The following PDC variants were observed in gnomAD, a reference collection of about 807,000 sequenced individuals.
PDC encodes 33 kDa phototransducing protein.
In PDC, 19 loss-of-function variants were observed where a neutral mutation model predicts 22.2. The observed-to-expected ratio is 0.86, with a 90% CI of 0.60 to 1.26. The LOEUF (loss-of-function observed/expected upper bound fraction) is 1.26. PDC is among the 50% of genes most tolerant of loss of function. The pLI is 0.00. For synonymous variants in PDC, 97 were observed against 96.2 expected, an observed-to-expected ratio of 1.01 and a Z score of -0.05; for missense variants, 274 against 286.8, an observed-to-expected ratio of 0.96 and a Z score of 0.32.
chr1:186,448,959 A>C (rs546774764), intron 2 of PDC, among the ~76,000 whole-genome samples: 1 of 152,252 alleles, frequency 6.6e-6, no homozygotes, highest in Admixed American at 6.5e-5. Flanking sequence ...AGGAATACTG[A>C]AATTTATTTA....
In PDC at chr1:186,443,901, A is replaced by C; in HGVS notation, c.*78T>G. The C allele has an allele frequency of 9.5e-7, 1 of 1,057,548 alleles. No homozygotes were observed. The highest frequency in any genetic ancestry group is 1.4e-6 in the Non-Finnish European group (1 of 710,484). The allele number at this position is 1,057,548 out of a possible 1,614,324, so 65.5% of individuals were successfully genotyped here. On this transcript the variant is annotated 3_prime_UTR_variant, in exon 4 of 4. Coordinates refer to ENST00000391997, the MANE Select transcript of PDC (RefSeq NM_002597.5). The stretch of plus-strand genomic sequence containing the variant: ...ATAGCCGTGCCCATACTCTGTGTTC[A>C]CTAAAGCAATATAGATACTACCAAA...
intron 2 of PDC, 65 bp downstream of exon 2, chr1:186,449,334 G>T: frequency 1.1e-6 from 1 of 912,536 alleles, no homozygotes; most frequent in South Asian, 1.5e-5. Context: ...GTGTCAATAA[G>T]AACATTAGAT....
At chr1:186,454,324 A>G (rs1256995538) in intron 1 of PDC, among the ~76,000 whole-genome samples, 1 of 151,686 alleles carries the variant, frequency 6.6e-6, no homozygotes, top group African/African-American at 2.4e-5. Context: ...GATTACAGGC[A>G]CACGCCACTA....
intron 2 of PDC, 27 bp downstream of exon 2, chr1:186,449,372 A>C (rs1662301007): frequency 6.9e-7 from 1 of 1,456,784 alleles, no homozygotes; most frequent in Non-Finnish European, 9.6e-7. Flanking sequence ...TAATTTAATA[A>C]TTATTTTTTC....
Position 186,444,495 on chromosome 1 carries a change from T to G in PDC, c.225A>C (p.Gln75His). 1 of 1,586,866 alleles carries G rather than the reference T, an allele frequency of 6.3e-7. No individual in the cohort carries two copies. The highest frequency in any genetic ancestry group is 8.6e-7 in the Non-Finnish European group (1 of 1,157,994). Residue 75 changes from glutamine to histidine, a missense_variant, in exon 4 of 4, where the codon CAA becomes CAC. Physicochemically the swap from Gln to His is conservative, Grantham distance 24. Coordinates refer to ENST00000391997, the MANE Select transcript of PDC (RefSeq NM_002597.5). ...TCTCTTTATGGATTAGTTCATATTCTTGAATGCTCATCTGAGAATAAAGAA... is the reference window on the plus strand; with the variant it reads ...TCTCTTTATGGATTAGTTCATATTCGTGAATGCTCATCTGAGAATAAAGAA... ...KERVSRKMSI[Q>H]EYELIHKEKE...
At chr1:186,449,310 G>T (rs1662299242) in intron 2 of PDC, 89 bp downstream of exon 2, 1 of 633,026 alleles carries the variant, frequency 1.6e-6, no homozygotes, top group Admixed American at 2.6e-5. Context: ...ATTACTTAAA[G>T]TACATACTGA....
chr1:186,453,891 T>A (rs1158013393), intron 1 of PDC, among the ~76,000 whole-genome samples: 23 of 152,182 alleles, frequency 1.5e-4, no homozygotes, highest in Admixed American at 1.5e-3. Context: ...AGGTTTCAAA[T>A]CTCTGACTCT....
intron 2 of PDC, among the ~76,000 whole-genome samples, chr1:186,447,714 T>C (rs1363924037): frequency 1.3e-5 from 2 of 152,088 alleles, no homozygotes; most frequent in East Asian, 3.9e-4. Context: ...ATATATGATA[T>C]ATATTTAATA....
rs1382504717 is a variant in PDC, at chr1:186,446,493, A to C, written c.146T>G (p.Ile49Ser). 9 of 1,607,014 alleles carry C rather than the reference A, an allele frequency of 5.6e-6. No individual in the cohort carries two copies. Among genetic ancestry groups the C allele is most frequent in the Non-Finnish European group, 7.7e-6 (9 of 1,174,576 alleles). The stretch of plus-strand genomic sequence containing the variant: ...CTGAGGAGAAGACATTTGCCTGAGA[A>C]TCTCCTTCTTGCTAGGTGGAATTGA... ...SDSIPPSKKE[I>S]LRQMSSPQSR... Residue 49 changes from isoleucine (I) to serine (S), a missense_variant, in exon 3 of 4, where the codon ATT (isoleucine) becomes AGT (serine). Transcript: ENST00000391997.
At chr1:186,457,878 C>G (rs142609829) in intron 1 of PDC, among the ~76,000 whole-genome samples, 56 of 152,198 alleles carry the variant, frequency 3.7e-4, no homozygotes, top group Admixed American at 6.5e-4. Context: ...GACTTCCCCC[C>G]ACTCCCAGTA....
chr1:186,453,335 A>C (rs1179578470), intron 1 of PDC, among the ~76,000 whole-genome samples: 2 of 152,188 alleles, frequency 1.3e-5, no homozygotes, highest in African/African-American at 4.8e-5. Context: ...TTTACGCATT[A>C]GTTTTAAAAG....
chr1:186,447,324 T>C (rs889334404), intron 2 of PDC, among the ~76,000 whole-genome samples: 2 of 152,076 alleles, frequency 1.3e-5, no homozygotes, highest in African/African-American at 4.8e-5. Flanking sequence ...GATTTTTGTA[T>C]TTTTAGTAGA....
Position 186,449,461 on chromosome 1 carries a change from T to G in PDC, c.-2A>C. On this transcript the variant is annotated 5_prime_UTR_variant, in exon 2 of 4. Coordinates refer to ENST00000391997, the MANE Select transcript of PDC (RefSeq NM_002597.5). ...ACTTTGGCTTTTGGCTTCTTCCATT[T>G]TAGGGACTGGATTTGATATAATCTA... The G allele has an allele frequency of 6.3e-7, 1 of 1,591,158 alleles. No homozygotes were observed. Among genetic ancestry groups the G allele is most frequent in the Non-Finnish European group, 8.6e-7 (1 of 1,161,190 alleles).
intron 1 of PDC, among the ~76,000 whole-genome samples, chr1:186,456,111 A>G (rs1261961162): frequency 2.0e-5 from 3 of 149,354 alleles, no homozygotes; most frequent in Non-Finnish European, 4.4e-5. Context: ...GATGTTAAGG[A>G]AAATAATAGT....
chr1:186,458,235 T>TTC (rs1345223246), intron 1 of PDC, among the ~76,000 whole-genome samples: 1 of 148,036 alleles, frequency 6.8e-6, no homozygotes, highest in East Asian at 1.9e-4. Flanking sequence ...TCTTTTTTTT[T>TTC]TTTTTTTTTT....
At position 186,443,657 on chromosome 1, in the gene PDC, T is replaced by A. The variant is rs1662151056; in HGVS notation, c.*322A>T. The A allele has an allele frequency of 4.8e-6, 1 of 207,016 alleles. No individual in the cohort carries two copies. The highest frequency in any genetic ancestry group is 9.7e-6 in the Non-Finnish European group (1 of 103,458). 12.8% of individuals were successfully genotyped at this position (207,016 alleles called of 1,614,324 possible). On this transcript the variant is annotated 3_prime_UTR_variant, in exon 4 of 4. Transcript: ENST00000391997. Reference sequence around the variant, plus strand: ...AATAATGTAATTTGAAAAGTCCAAATAATAACAGTGATGAGGGAAAATGGA... The same window carrying A: ...AATAATGTAATTTGAAAAGTCCAAAAAATAACAGTGATGAGGGAAAATGGA...
At chr1:186,446,935 A>G (rs1437124688) in intron 2 of PDC, among the ~76,000 whole-genome samples, 1 of 152,172 alleles carries the variant, frequency 6.6e-6, no homozygotes, top group East Asian at 1.9e-4. Flanking sequence ...TAAGAAAAAA[A>G]CTTCAGCAAC....
intron 1 of PDC, chr1:186,450,956 G>A (rs1185555905): frequency 2.6e-5 from 4 of 151,836 alleles, no homozygotes; most frequent in African/African-American, 7.3e-5. Flanking sequence ...TCCTTCTTTC[G>A]AAGTCAGTTT....
intron 3 of PDC, 114 bp downstream of exon 3, chr1:186,446,312 G>C: frequency 1.4e-6 from 1 of 735,278 alleles, no homozygotes; most frequent in South Asian, 3.3e-5. Context: ...TTTTGCCAGC[G>C]TAAGCAATAT....
Sources: allele counts gnomAD v4.1 joint callset (sites outside exome capture counted in the v4.1 genomes callset), GRCh38; gene constraint gnomAD v4.1.1; transcripts MANE v1.5; gene names NCBI Gene and HGNC (gene_info 2026-07-23, HGNC 2026-07-21).